FAT3: variants seen among roughly 807,000 people sequenced by gnomAD.
FAT3 encodes the protein protocadherin Fat 3.
A neutral mutation model predicts 310.2 loss-of-function variants in FAT3; 95 were observed. That is an observed-to-expected ratio of 0.31 (90% CI 0.26 to 0.36). The LOEUF (loss-of-function observed/expected upper bound fraction) is 0.36, where lower values mean the gene tolerates loss of function less well. Ranked by LOEUF, FAT3 falls within the 10% of genes least tolerant of loss-of-function variation. The probability of loss-of-function intolerance (pLI) is 1.00; values close to 1 mark genes in which losing one functional copy is unlikely to be tolerated. For synonymous variants in FAT3, 2,314 were observed against 2,192.9 expected (o/e 1.06, Z -1.54); for missense variants, 5,408 against 5,715.6 (o/e 0.95, Z 1.74).
intron 3 of FAT3, among the ~76,000 whole-genome samples, chr11:92,578,421 T>C (rs947885474): frequency 6.6e-6 from 1 of 152,068 alleles, no homozygotes; most frequent in African/African-American, 2.4e-5. Flanking sequence ...TGTATTGTTA[T>C]CCTGATCATT....
chr11:92,240,662 G>C (rs1352004856), intron 1 of FAT3, among the ~76,000 whole-genome samples: 2 of 151,608 alleles, frequency 1.3e-5, no homozygotes. Context: ...ACAGCCTAAG[G>C]TTGTAACAGA....
chr11:92,757,223 C>T (rs1052213930), intron 4 of FAT3, among the ~76,000 whole-genome samples: 8 of 152,126 alleles, frequency 5.3e-5, no homozygotes, highest in Non-Finnish European at 1.0e-4. Context: ...TGCACCCGGC[C>T]TATTTGTGGC....
chr11:92,693,579 A>G (rs1418559935), intron 3 of FAT3, among the ~76,000 whole-genome samples: 1 of 152,304 alleles, frequency 6.6e-6, no homozygotes, highest in East Asian at 1.9e-4. Flanking sequence ...AGCACTGGTC[A>G]TTTTAACTAA....
chr11:92,633,427 A>G (rs72958547), intron 3 of FAT3, among the ~76,000 whole-genome samples: 14 of 152,274 alleles, frequency 9.2e-5, no homozygotes, highest in Non-Finnish European at 1.9e-4. Context: ...TTTGTTTGCC[A>G]ACATCCTAAA....
At chr11:92,229,489 C>CTTT (rs1565339181) in intron 1 of FAT3, among the ~76,000 whole-genome samples, 3 of 48,632 alleles carry the variant, frequency 6.2e-5, no homozygotes, top group African/African-American at 1.6e-4. Flanking sequence ...TTTGTTTTTT[C>CTTT]GTGTTTTTTT....
chr11:92,690,516 T>C (rs1943770721), intron 3 of FAT3, among the ~76,000 whole-genome samples: 1 of 152,092 alleles, frequency 6.6e-6, no homozygotes, highest in Non-Finnish European at 1.5e-5. Flanking sequence ...CTCGTGGGGG[T>C]AGTTTCCAGA....
chr11:92,374,347 T>G (rs570234838), intron 2 of FAT3, among the ~76,000 whole-genome samples: 1 of 152,342 alleles, frequency 6.6e-6, no homozygotes, highest in South Asian at 2.1e-4. Flanking sequence ...TCCTTGATTA[T>G]TATCAAGTGC....
intron 19 of FAT3, among the ~76,000 whole-genome samples, chr11:92,855,721 C>G (rs547438230): frequency 3.2e-4 from 49 of 152,176 alleles, no homozygotes; most frequent in African/African-American, 1.1e-3. Context: ...ATTATAGAAC[C>G]ATTTGTACAG....
chr11:92,556,658 T>C (rs1388435473), intron 3 of FAT3, among the ~76,000 whole-genome samples: 1 of 152,196 alleles, frequency 6.6e-6, no homozygotes, highest in African/African-American at 2.4e-5. Context: ...AACCTTTGTT[T>C]CATGAACATG....
chr11:92,524,504 A>C (rs1565382855), intron 2 of FAT3, 130 bp from the exon 3 acceptor site: 14 of 749,686 alleles, frequency 1.9e-5, no homozygotes, highest in Non-Finnish European at 2.7e-5. Context: ...ATCTTAATTT[A>C]ACCTTATGTT....
At chr11:92,426,383 G>A (rs1447999644) in intron 2 of FAT3, among the ~76,000 whole-genome samples, 1 of 151,880 alleles carries the variant, frequency 6.6e-6, no homozygotes, top group African/African-American at 2.4e-5. Context: ...TCTTAAATTA[G>A]ACCCCATTTG....
intron 18 of FAT3, among the ~76,000 whole-genome samples, chr11:92,840,989 T>C (rs903762597): frequency 6.6e-6 from 1 of 152,228 alleles, no homozygotes; most frequent in African/African-American, 2.4e-5. Context: ...GACATTCCTG[T>C]AGAGTATGCC....
Position 92,310,647 on chromosome 11 carries a change from G to A in FAT3, c.-17-41449G>A, listed in dbSNP as rs149371857. On this transcript the variant is annotated intron_variant, in intron 1 of 27. Transcript: ENST00000525166. ...ACCTGAAAAGTATGTGTGTATATAC[G>A]TGTGTGTGTATATATATATGTGTAT... Among the ~76,000 whole-genome samples the A allele has an allele frequency of 1.5e-3, 217 of 149,614 alleles. 1 individual carries two copies. The highest frequency in any genetic ancestry group is 3.4e-3 in the Middle Eastern group (1 of 292).
At chr11:92,291,793 C>T (rs1299139925) in intron 1 of FAT3, among the ~76,000 whole-genome samples, 1 of 152,072 alleles carries the variant, frequency 6.6e-6, no homozygotes, top group Non-Finnish European at 1.5e-5. Flanking sequence ...TTCTCCAACA[C>T]ATGATTTTCT....
intron 1 of FAT3, among the ~76,000 whole-genome samples, chr11:92,238,269 A>G (rs55890145): frequency 0.032 from 4,802 of 152,242 alleles, 120 homozygotes; most frequent in South Asian, 0.054. Context: ...AGTCTGTTCC[A>G]TAATGTGCTT....
intron 19 of FAT3, among the ~76,000 whole-genome samples, chr11:92,854,165 A>T (rs1462468500): frequency 1.3e-5 from 2 of 152,190 alleles, no homozygotes; most frequent in Admixed American, 6.5e-5. Context: ...CACCACCCTG[A>T]ATGCATGCAT....
rs536693987 is a variant in FAT3 at position 92,354,307 on chromosome 11, A to T, written c.2195A>T (p.Asp732Val). The T allele has an allele frequency of 6.2e-7, 1 of 1,613,662 alleles. No homozygotes were observed. The highest frequency in any genetic ancestry group is 8.5e-7 in the Non-Finnish European group (1 of 1,179,850). Residue 732 changes from aspartate (D) to valine (V), a missense_variant, in exon 2 of 28, where the codon GAT becomes GTT. Physicochemically the swap from Asp to Val is radical, Grantham distance 152. Coordinates refer to ENST00000525166, the MANE Select transcript of FAT3 (RefSeq NM_001367949.2). ...GPYFDKSFPS[D>V]VAVKEDLPVG... is the part of the protein sequence containing the mutation. ...TATTTTGACAAGTCTTTTCCTTCTG[A>T]TGTGGCTGTAAAGGAGGATCTGCCA...
chr11:92,831,054 G>T (rs1948234632), intron 13 of FAT3, among the ~76,000 whole-genome samples: 1 of 152,096 alleles, frequency 6.6e-6, no homozygotes, highest in African/African-American at 2.4e-5. Flanking sequence ...CATCTGTTCA[G>T]GAGCAGAAGC....
intron 1 of FAT3, among the ~76,000 whole-genome samples, chr11:92,332,280 A>C (rs1947942171): frequency 6.6e-6 from 1 of 152,256 alleles, no homozygotes; most frequent in Non-Finnish European, 1.5e-5. Context: ...TTTCGGGCCA[A>C]AAAGATTCCA....
Sources: allele counts gnomAD v4.1 joint callset (sites outside exome capture counted in the v4.1 genomes callset), GRCh38; gene constraint gnomAD v4.1.1; transcripts MANE v1.5; gene names NCBI Gene and HGNC (gene_info 2026-07-23, HGNC 2026-07-21).